The following THRB variants were observed in gnomAD, a reference collection of about 807,000 sequenced individuals.
THRB encodes nuclear receptor subfamily 1 group A member 2.
Under a neutral mutation model 47.8 loss-of-function variants are expected in THRB, and 12 were observed. The observed-to-expected ratio is 0.25, with a 90% CI of 0.16 to 0.41. THRB has a LOEUF of 0.41. THRB is among the 10% of genes least tolerant of loss of function. THRB has a pLI of 1.00. For synonymous variants in THRB, 218 were observed against 212.2 expected, an observed-to-expected ratio of 1.03 and a Z score of -0.24; for missense variants, 348 against 589.2, an observed-to-expected ratio of 0.59 and a Z score of 4.24.
chr3:24,356,180 T>C (rs2063661230), intron 1 of THRB, among the ~76,000 whole-genome samples: 1 of 152,114 alleles, frequency 6.6e-6, no homozygotes, highest in Non-Finnish European at 1.5e-5. Flanking sequence ...AAGACAAATT[T>C]AATCAGACTT....
intron 1 of THRB, among the ~76,000 whole-genome samples, chr3:24,427,649 T>A (rs1381638800): frequency 1.3e-5 from 2 of 152,086 alleles, no homozygotes; most frequent in African/African-American, 2.4e-5. Context: ...AATATTGAGA[T>A]AGTTGTTAAA....
intron 3 of THRB, among the ~76,000 whole-genome samples, chr3:24,285,438 G>T (rs1189024203): frequency 6.5e-5 from 8 of 123,690 alleles, no homozygotes; most frequent in South Asian, 3.3e-4. Context: ...GTTGTGGGGT[G>T]GGGGGAGGGG....
At chr3:24,173,766 C>T (rs889087308) in intron 5 of THRB, among the ~76,000 whole-genome samples, 1 of 152,192 alleles carries the variant, frequency 6.6e-6, no homozygotes, top group Admixed American at 6.5e-5. Flanking sequence ...CCTCTTCTAA[C>T]CATACATATT....
intron 1 of THRB, among the ~76,000 whole-genome samples, chr3:24,489,569 T>C (rs943296842): frequency 2.6e-5 from 4 of 152,172 alleles, no homozygotes; most frequent in Admixed American, 2.6e-4. Flanking sequence ...AGGTCCTAAT[T>C]CCAGACTCCC....
At chr3:24,195,686 A>AGCTCCTCACCCATGGCTCT (rs2043867302) in intron 4 of THRB, among the ~76,000 whole-genome samples, 1 of 152,146 alleles carries the variant, frequency 6.6e-6, no homozygotes, top group Admixed American at 6.5e-5. Flanking sequence ...CCTCTGGCTG[A>AGCTCCTCACCCATGGCTCT]GCTCCTCACC....
intron 4 of THRB, among the ~76,000 whole-genome samples, chr3:24,195,356 T>G (rs2043834093): frequency 6.6e-6 from 1 of 152,242 alleles, no homozygotes; most frequent in Non-Finnish European, 1.5e-5. Context: ...AACCGATATG[T>G]TCTCCTTATC....
intron 1 of THRB, among the ~76,000 whole-genome samples, chr3:24,408,541 G>C (rs764087702): frequency 6.6e-6 from 1 of 151,852 alleles, no homozygotes; most frequent in Admixed American, 6.6e-5. Context: ...ATGTGTGTGA[G>C]CTGGTATGCA....
intron 2 of THRB, among the ~76,000 whole-genome samples, chr3:24,329,839 G>T (rs1189080382): frequency 6.6e-6 from 1 of 152,134 alleles, no homozygotes; most frequent in Non-Finnish European, 1.5e-5. Flanking sequence ...TAAGCAACAT[G>T]CATCACTGGG....
rs116061215 is a variant in THRB, at chr3:24,482,932, T to C, written c.-261+11720A>G. ...CTTGTGAAGTAGAAGACAGCCTTAT[T>C]CAGTCAAATAGAAAGACACATACTG... On this transcript the variant is annotated intron_variant, in intron 1 of 10. Transcript: ENST00000646209. 4.1e-3 allele frequency among the ~76,000 whole-genome samples: 628 copies of C among 152,358 alleles called. 5 individuals carry two copies. Among genetic ancestry groups the C allele is most frequent in the African/African-American group, 0.015 (608 of 41,582 alleles).
chr3:24,443,900 T>C (rs1577610490), intron 1 of THRB, among the ~76,000 whole-genome samples: 1 of 152,122 alleles, frequency 6.6e-6, no homozygotes, highest in Non-Finnish European at 1.5e-5. Flanking sequence ...GAGGAGGAGG[T>C]ATAATTTGAC....
intron 1 of THRB, among the ~76,000 whole-genome samples, chr3:24,462,684 A>G (rs543101806): frequency 7.2e-5 from 11 of 152,318 alleles, no homozygotes; most frequent in African/African-American, 1.7e-4. Context: ...TCCTTGCAAC[A>G]TACAGAGGGG....
intron 1 of THRB, among the ~76,000 whole-genome samples, chr3:24,352,995 C>G (rs2063452897): frequency 6.6e-6 from 1 of 151,948 alleles, no homozygotes; most frequent in Non-Finnish European, 1.5e-5. Flanking sequence ...TGACAAATAT[C>G]TGGATAAAAT....
intron 4 of THRB, among the ~76,000 whole-genome samples, chr3:24,208,446 C>G (rs1200754547): frequency 6.6e-6 from 1 of 152,210 alleles, no homozygotes; most frequent in African/African-American, 2.4e-5. Flanking sequence ...TGGCTTCAAA[C>G]TATACTACAA....
intron 1 of THRB, among the ~76,000 whole-genome samples, chr3:24,399,067 G>T (rs920341899): frequency 1.8e-4 from 28 of 151,742 alleles, no homozygotes; most frequent in African/African-American, 6.5e-4. Context: ...ATCACACACC[G>T]GGGCCTGTTG....
At chr3:24,396,015 G>A (rs1470782313) in intron 1 of THRB, among the ~76,000 whole-genome samples, 1 of 152,004 alleles carries the variant, frequency 6.6e-6, no homozygotes, top group East Asian at 1.9e-4. Flanking sequence ...GACTGCTAGT[G>A]GATTTCTTTT....
At chr3:24,483,722 TG>T (rs1303448934) in intron 1 of THRB, among the ~76,000 whole-genome samples, 2 of 152,188 alleles carry the variant, frequency 1.3e-5, no homozygotes, top group Non-Finnish European at 2.9e-5. Flanking sequence ...GAGGGTGGTA[TG>T]GCACAAAAAG....
In THRB at chr3:24,120,477, G is replaced by A. The variant is rs1213800612; in HGVS notation, c.*2407C>T. 2.0e-5 allele frequency: 3 copies of A among 152,268 alleles called. No individual in the cohort carries two copies. Among genetic ancestry groups the A allele is most frequent in the African/African-American group, 4.8e-5 (2 of 41,472 alleles). 9.4% of individuals were successfully genotyped at this position (152,268 alleles called of 1,614,324 possible). ...TTATATTCAAATCTGGGTGTCTGAT[G>A]TACTGAGGACCCTGTCAAACAAAAT... On this transcript the variant is annotated 3_prime_UTR_variant, in exon 11 of 11. Transcript: ENST00000646209.
chr3:24,181,157 C>G (rs1245811010), intron 5 of THRB, among the ~76,000 whole-genome samples: 3 of 152,144 alleles, frequency 2.0e-5, no homozygotes, highest in Non-Finnish European at 2.9e-5. Context: ...TATCCTGGAA[C>G]TGGTCTTATG....
chr3:24,459,023 T>C lies in THRB; in HGVS notation c.-261+35629A>G, dbSNP rs906654021. The C allele has an allele frequency of 8.8e-4, 134 of 152,202 alleles. 1 individual carries two copies. Among genetic ancestry groups the C allele is most frequent in the African/African-American group, 3.0e-3 (125 of 41,534 alleles). The allele number at this position is 152,202 out of a possible 1,614,324, so 9.4% of individuals were successfully genotyped here. ...GTGCAGAACGTGCAGTTTTGTTACA[T>C]AGGTATGCACATGCCATGGTCGTTT... On this transcript the variant is annotated intron_variant, in intron 1 of 10. Transcript: ENST00000646209.
Sources: allele counts gnomAD v4.1 joint callset (sites outside exome capture counted in the v4.1 genomes callset), GRCh38; gene constraint gnomAD v4.1.1; transcripts MANE v1.5; gene names NCBI Gene and HGNC (gene_info 2026-07-23, HGNC 2026-07-21).